Variants in FNBP4 observed in about 807,000 individuals in gnomAD.
The protein encoded by FNBP4 is formin-binding protein 4.
A neutral mutation model predicts 119.3 loss-of-function variants in FNBP4; 34 were observed. The ratio of observed to expected loss-of-function variants is 0.28; its 90% CI spans 0.22 to 0.38. The LOEUF (loss-of-function observed/expected upper bound fraction) is 0.38, where lower values mean the gene tolerates loss of function less well. Ranked by LOEUF, FNBP4 falls within the 10% of genes least tolerant of loss-of-function variation. FNBP4 has a pLI of 1.00. For synonymous variants in FNBP4, 462 were observed against 430.6 expected (o/e 1.07, Z -0.90); for missense variants, 1,112 against 1,228.9 (o/e 0.90, Z 1.42).
rs1057246720 is a variant in FNBP4 at position 47,765,993 on chromosome 11, A to T, written c.221-631T>A. On this transcript the variant is annotated intron_variant, in intron 1 of 16. Coordinates refer to ENST00000263773, the MANE Select transcript of FNBP4 (RefSeq NM_015308.5). ...GAGTCACCGTGCCCTGGAGTCTTTC[A>T]TCTGCTTACAAACTTCAACATCAAG... 2.6e-5 allele frequency among the ~76,000 whole-genome samples: 4 copies of T among 151,460 alleles called. No individual in the cohort carries two copies. The East Asian group carries it at 7.8e-4, about 30-fold the overall frequency.
At chr11:47,723,651 A>G (rs554025503) in intron 14 of FNBP4, among the ~76,000 whole-genome samples, 1 of 152,114 alleles carries the variant, frequency 6.6e-6, no homozygotes, top group Non-Finnish European at 1.5e-5. Flanking sequence ...TGCAGCCTCA[A>G]CCTCCAGGGC....
intron 11 of FNBP4, 29 bp from the exon 12 acceptor site, chr11:47,731,590 T>G (rs2097567547): frequency 3.2e-6 from 5 of 1,582,362 alleles, no homozygotes; most frequent in Non-Finnish European, 4.3e-6. Flanking sequence ...AACACATGTT[T>G]TAAAACCCGT....
intron 9 of FNBP4, among the ~76,000 whole-genome samples, chr11:47,735,401 A>G (rs1297533251): frequency 6.6e-6 from 1 of 152,188 alleles, no homozygotes; most frequent in Non-Finnish European, 1.5e-5. Flanking sequence ...AGTCAAAAGA[A>G]TATGTTAAGT....
At chr11:47,729,954 C>G (rs1011763476) in intron 12 of FNBP4, 3 of 985,290 alleles carry the variant, frequency 3.0e-6, no homozygotes, top group African/African-American at 1.7e-5. Flanking sequence ...TACACTACAA[C>G]TAGTTCTGTT....
Position 47,732,733 on chromosome 11 carries a change from G to C in FNBP4, c.1687-63C>G, listed in dbSNP as rs895619136. 9 of 1,511,592 alleles carry C rather than the reference G, an allele frequency of 6.0e-6. No homozygotes were observed. The highest frequency in any genetic ancestry group is 2.8e-5 in the African/African-American group (2 of 72,686). 93.6% of individuals were successfully genotyped at this position (1,511,592 alleles called of 1,614,324 possible). Reference sequence around the variant, plus strand: ...TACATGTCAGGAGACACAGGCAAAGGGGATATAAACCTTCTGCTCCAAGAC... The same window carrying C: ...TACATGTCAGGAGACACAGGCAAAGCGGATATAAACCTTCTGCTCCAAGAC... On this transcript the variant is annotated intron_variant, in intron 10 of 16. Coordinates refer to ENST00000263773, the MANE Select transcript of FNBP4 (RefSeq NM_015308.5). The surrounding 1 kb of genome is among the most constrained non-coding windows in gnomAD (Gnocchi z 4.2).
intron 1 of FNBP4, among the ~76,000 whole-genome samples, chr11:47,766,480 G>A (rs962136672): frequency 1.3e-4 from 20 of 152,202 alleles, no homozygotes; most frequent in African/African-American, 4.6e-4. Flanking sequence ...CTCTGAACAT[G>A]TGAAACGGTC....
intron 12 of FNBP4, among the ~76,000 whole-genome samples, chr11:47,728,875 A>C (rs1401256392): frequency 4.8e-4 from 67 of 140,178 alleles, no homozygotes; most frequent in African/African-American, 1.6e-3. Flanking sequence ...TTTTTAGATA[A>C]AGAGTTTTGC....
At position 47,745,504 on chromosome 11, in the gene FNBP4, G is replaced by C. The variant is rs189424656; in HGVS notation, c.1245+552C>G. Among the ~76,000 whole-genome samples the C allele has an allele frequency of 8.5e-5, 13 of 152,198 alleles. No homozygotes were observed. The East Asian group carries it at 2.5e-3, about 29-fold the overall frequency. ...TAGGGTGGGGAAAAACCCGGCCCTG[G>C]TAAGTCTGTGGTCAGACTGATTCTC... is the stretch of plus-strand genomic sequence containing the variant. On this transcript the variant is annotated intron_variant, in intron 7 of 16. Transcript: ENST00000263773.
intron 16 of FNBP4, 46 bp downstream of exon 16, chr11:47,719,883 A>G (rs1278739346): frequency 6.2e-7 from 1 of 1,601,016 alleles, no homozygotes; most frequent in South Asian, 1.1e-5. Flanking sequence ...AGTAGGTCTC[A>G]ACCTACTCCA....
At chr11:47,734,828 G>T (rs1372700673) in intron 9 of FNBP4, among the ~76,000 whole-genome samples, 5 of 151,832 alleles carry the variant, frequency 3.3e-5, no homozygotes, top group Non-Finnish European at 7.4e-5. Flanking sequence ...CAAAAATTAG[G>T]TGAGGATGGT....
intron 12 of FNBP4, among the ~76,000 whole-genome samples, chr11:47,728,210 A>T (rs984252173): frequency 1.6e-4 from 24 of 151,854 alleles, no homozygotes; most frequent in African/African-American, 5.3e-4. Context: ...AAGATTTAAA[A>T]GCTACAAGCT....
At chr11:47,740,825 C>T (rs1430855120) in intron 8 of FNBP4, among the ~76,000 whole-genome samples, 1 of 150,966 alleles carries the variant, frequency 6.6e-6, no homozygotes, top group African/African-American at 2.5e-5. Context: ...CTCCTGACCT[C>T]GTGATCCACC....
At chr11:47,742,725 T>C (rs1424191895) in intron 8 of FNBP4, among the ~76,000 whole-genome samples, 1 of 148,936 alleles carries the variant, frequency 6.7e-6, no homozygotes, top group Non-Finnish European at 1.5e-5. Flanking sequence ...CCATCTCTAC[T>C]GAAAAATACA....
In FNBP4 at chr11:47,765,369, TAAAAA is replaced by T. The variant is rs747557812; in HGVS notation, c.221-12_221-8del. 31 of 1,204,628 alleles carry T rather than the reference TAAAAA, an allele frequency of 2.6e-5. No individual in the cohort carries two copies. The highest frequency in any genetic ancestry group is 1.2e-4 in the South Asian group (8 of 67,696). 74.6% of individuals were successfully genotyped at this position (1,204,628 alleles called of 1,614,324 possible). On this transcript the variant is annotated splice_region_variant and splice_polypyrimidine_tract_variant and intron_variant, in intron 1 of 16. Transcript: ENST00000263773. ...TGCACCGCTTCCTGTTCATCTGGATTAAAAAAAAAGAAAAGAAAAGAAAAGAAAAG... is the reference window on the plus strand; with the variant it reads ...TGCACCGCTTCCTGTTCATCTGGATTAAAAGAAAAGAAAAGAAAAGAAAAG...
Position 47,762,174 on chromosome 11 carries a change from C to A in FNBP4, c.313+3096G>T, listed in dbSNP as rs1357771961. 2.0e-5 allele frequency among the ~76,000 whole-genome samples: 3 copies of A among 151,140 alleles called. No homozygotes were observed. In the Admixed American group the frequency reaches 2.0e-4, roughly 10 times the overall value. The stretch of plus-strand genomic sequence containing the variant: ...TTGAGATGGAGTCTTACTCTGTCAC[C>A]CAGGCTGGAGTGCAATGGTGTGGTC... On this transcript the variant is annotated intron_variant, in intron 2 of 16. Coordinates refer to ENST00000263773, the MANE Select transcript of FNBP4 (RefSeq NM_015308.5).
At chr11:47,735,760 C>T (rs570261085) in intron 9 of FNBP4, among the ~76,000 whole-genome samples, 1 of 152,134 alleles carries the variant, frequency 6.6e-6, no homozygotes, top group Admixed American at 6.5e-5. Context: ...TACTTGTTAA[C>T]AGAAAGCAGT....
chr11:47,759,380 T>A (rs938515985), intron 2 of FNBP4, among the ~76,000 whole-genome samples: 4 of 145,748 alleles, frequency 2.7e-5, no homozygotes, highest in African/African-American at 1.0e-4. Flanking sequence ...CCTGGCTAAT[T>A]TTTTTGTATT....
chr11:47,731,555 A>G lies in FNBP4; in HGVS notation c.1827T>C (p.His609=). 2 of 1,600,822 alleles carry G rather than the reference A, an allele frequency of 1.2e-6. No homozygotes were observed. The highest frequency in any genetic ancestry group is 1.7e-6 in the Non-Finnish European group (2 of 1,176,526). Residue 609 remains histidine (H), a synonymous_variant, in exon 12 of 17, where the codon CAT becomes CAC. Coordinates refer to ENST00000263773, the MANE Select transcript of FNBP4 (RefSeq NM_015308.5). The part of the protein sequence containing the change: ...KGWSCHWDRD[H]RRYFYVNEQS... The stretch of plus-strand genomic sequence containing the variant: ...GTTCGTTTACATAGAAATACCGTCT[A>G]TGATCCCTAAATTACAAGAAAGAAA...
At chr11:47,765,994 T>C (rs1446033354) in intron 1 of FNBP4, among the ~76,000 whole-genome samples, 1 of 151,800 alleles carries the variant, frequency 6.6e-6, no homozygotes. Flanking sequence ...GAGTCTTTCA[T>C]CTGCTTACAA....
Sources: allele counts gnomAD v4.1 joint callset (sites outside exome capture counted in the v4.1 genomes callset), GRCh38; gene constraint gnomAD v4.1.1; non-coding constraint Gnocchi (gnomAD v3.1); transcripts MANE v1.5; gene names NCBI Gene and HGNC (gene_info 2026-07-23, HGNC 2026-07-21).